PTPRG: variants seen among roughly 807,000 people sequenced by gnomAD.
The protein encoded by PTPRG is protein tyrosine phosphatase receptor type G.
A neutral mutation model predicts 165.3 loss-of-function variants in PTPRG; 102 were observed. The ratio of observed to expected loss-of-function variants is 0.62; its 90% CI spans 0.53 to 0.73. The LOEUF is 0.73. Among genes scored for constraint, PTPRG ranks in the 30% least tolerant of loss-of-function variants. The probability of loss-of-function intolerance (pLI) is 0.00; values close to 1 mark genes in which losing one functional copy is unlikely to be tolerated. For synonymous variants in PTPRG, 675 were observed against 669.5 expected, an observed-to-expected ratio of 1.01 and a Z score of -0.13; for missense variants, 1,866 against 1,861.4, an observed-to-expected ratio of 1.00 and a Z score of -0.05.
intron 1 of PTPRG, among the ~76,000 whole-genome samples, chr3:61,731,025 T>A (rs1198563162): frequency 6.6e-6 from 1 of 152,228 alleles, no homozygotes; most frequent in African/African-American, 2.4e-5. Flanking sequence ...TGTTGAACAC[T>A]GTTCTACTCT....
At chr3:61,687,098 A>G (rs533754972) in intron 1 of PTPRG, among the ~76,000 whole-genome samples, 45 of 152,372 alleles carry the variant, frequency 3.0e-4, no homozygotes, top group African/African-American at 1.1e-3. Context: ...AGAGCTTACC[A>G]GTTAGACAAT....
At chr3:61,628,840 G>A (rs1247573672) in intron 1 of PTPRG, among the ~76,000 whole-genome samples, 1 of 152,172 alleles carries the variant, frequency 6.6e-6, no homozygotes, top group African/African-American at 2.4e-5. Context: ...TATTTTGCAA[G>A]GAAGGAAAGG....
At position 62,203,716 on chromosome 3, in the gene PTPRG, A is replaced by G. The variant is rs1404794997; in HGVS notation, c.1921A>G (p.Ile641Val). 4 of 1,586,764 alleles carry G rather than the reference A, an allele frequency of 2.5e-6. No homozygotes were observed. Among genetic ancestry groups the G allele is most frequent in the Non-Finnish European group, 3.4e-6 (4 of 1,166,000 alleles). The part of the protein sequence containing the change: ...NRTAEGGHQT[I>V]PGHEQDHTAV... Reference sequence around the variant, plus strand: ...GACTGCCGAGGGAGGGCATCAGACTATACCTGGGCATGAGCAGGATCACAC... The same window carrying G: ...GACTGCCGAGGGAGGGCATCAGACTGTACCTGGGCATGAGCAGGATCACAC... The change falls in exon 12 of 30, where the codon ATA becomes GTA. Residue 641 changes from isoleucine (I) to valine (V), a missense_variant. Physicochemically the swap from Ile to Val is conservative, Grantham distance 29. This residue lies in a region of PTPRG where 1,452 missense variants were observed against 1,463.0 expected (regional missense o/e 0.99). Coordinates refer to ENST00000474889, the MANE Select transcript of PTPRG (RefSeq NM_002841.4). The surrounding 1 kb of genome is among the most constrained non-coding windows in gnomAD (Gnocchi z 6.4).
intron 12 of PTPRG, among the ~76,000 whole-genome samples, chr3:62,206,912 C>CAAAAAAAAAAAAAAAAAAAAAAAAAAA (rs556974355): frequency 2.4e-4 from 9 of 37,318 alleles, no homozygotes; most frequent in African/African-American, 5.7e-4. Flanking sequence ...GACTCTGTCT[C>CAAAAAAAAAAAAAAAAAAAAAAAAAAA]AAAAAAAAAA....
At chr3:61,680,120 A>G (rs1186904154) in intron 1 of PTPRG, among the ~76,000 whole-genome samples, 5 of 152,216 alleles carry the variant, frequency 3.3e-5, no homozygotes, top group Non-Finnish European at 4.4e-5. Context: ...TACCTGATGC[A>G]GGGAATTGAA....
chr3:61,773,087 G>T (rs2107034304), intron 2 of PTPRG, among the ~76,000 whole-genome samples: 1 of 152,302 alleles, frequency 6.6e-6, no homozygotes, highest in South Asian at 2.1e-4. Flanking sequence ...AACAAAACAT[G>T]CAGGTGTCTA....
At chr3:62,055,182 C>G (rs992093808) in intron 4 of PTPRG, among the ~76,000 whole-genome samples, 3 of 152,202 alleles carry the variant, frequency 2.0e-5, no homozygotes, top group Admixed American at 2.0e-4. Flanking sequence ...TCCACACTTT[C>G]ATTGCATTGC....
chr3:62,280,767 T>C (rs1166968058), intron 26 of PTPRG, among the ~76,000 whole-genome samples: 3 of 152,062 alleles, frequency 2.0e-5, no homozygotes, highest in Non-Finnish European at 2.9e-5. Context: ...CTCCCGTTCA[T>C]TGCAGCATTA....
At chr3:62,033,719 A>G (rs1377721588) in intron 4 of PTPRG, among the ~76,000 whole-genome samples, 1 of 151,894 alleles carries the variant, frequency 6.6e-6, no homozygotes, top group Non-Finnish European at 1.5e-5. Context: ...GTTTAGTAAC[A>G]ACTACCATGA....
At chr3:61,734,235 A>G (rs2032630833) in intron 1 of PTPRG, among the ~76,000 whole-genome samples, 1 of 152,162 alleles carries the variant, frequency 6.6e-6, no homozygotes, top group South Asian at 2.1e-4. Flanking sequence ...CTCAGATATC[A>G]TGTATGATTT....
intron 2 of PTPRG, among the ~76,000 whole-genome samples, chr3:61,887,153 TATATATATATA>T (rs2038068603): frequency 3.3e-5 from 2 of 59,888 alleles, no homozygotes; most frequent in East Asian, 3.3e-4. Context: ...TATATATATA[TATATATATATA>T]TATATATTTT....
At chr3:62,206,912 CAAAAA>C (rs556974355) in intron 12 of PTPRG, among the ~76,000 whole-genome samples, 32 of 37,338 alleles carry the variant, frequency 8.6e-4, no homozygotes, top group South Asian at 3.6e-3. Context: ...GACTCTGTCT[CAAAAA>C]AAAAAAAAAA....
At chr3:61,865,591 G>A (rs1170459653) in intron 2 of PTPRG, among the ~76,000 whole-genome samples, 1 of 152,150 alleles carries the variant, frequency 6.6e-6, no homozygotes, top group Non-Finnish European at 1.5e-5. Flanking sequence ...CCCGATACCT[G>A]GTCATAATGA....
At chr3:61,635,610 G>A (rs908189369) in intron 1 of PTPRG, among the ~76,000 whole-genome samples, 31 of 151,984 alleles carry the variant, frequency 2.0e-4, no homozygotes, top group African/African-American at 6.0e-4. Flanking sequence ...GCCTCCCAAA[G>A]TGCTGGGATT....
At chr3:62,145,134 G>C (rs1273028238) in intron 6 of PTPRG, among the ~76,000 whole-genome samples, 3 of 152,172 alleles carry the variant, frequency 2.0e-5, no homozygotes, top group African/African-American at 7.2e-5. Flanking sequence ...CGGTATAGGA[G>C]AGACAGACAC....
intron 8 of PTPRG, among the ~76,000 whole-genome samples, chr3:62,171,173 A>G (rs1015096914): frequency 6.6e-6 from 1 of 152,202 alleles, no homozygotes; most frequent in African/African-American, 2.4e-5. Flanking sequence ...TTCAGTATAC[A>G]TGCATATGTA....
intron 2 of PTPRG, among the ~76,000 whole-genome samples, chr3:61,873,489 CTG>C (rs2037640858): frequency 6.6e-6 from 1 of 152,058 alleles, no homozygotes; most frequent in African/African-American, 2.4e-5. Context: ...ATAGTAGTGA[CTG>C]TATGGCTGTT....
At chr3:61,651,310 G>T (rs1468789889) in intron 1 of PTPRG, among the ~76,000 whole-genome samples, 1 of 151,622 alleles carries the variant, frequency 6.6e-6, no homozygotes. Context: ...TATCCCTTTG[G>T]ATCTCTACTT....
At chr3:61,664,676 C>A (rs546330635) in intron 1 of PTPRG, among the ~76,000 whole-genome samples, 3 of 152,140 alleles carry the variant, frequency 2.0e-5, no homozygotes, top group South Asian at 2.1e-4. Context: ...ACAGAAGATA[C>A]AAAAATTAGT....
Sources: allele counts gnomAD v4.1 joint callset (sites outside exome capture counted in the v4.1 genomes callset), GRCh38; gene constraint gnomAD v4.1.1; regional missense constraint gnomAD v4.1.1; non-coding constraint Gnocchi (gnomAD v3.1); transcripts MANE v1.5; gene names NCBI Gene and HGNC (gene_info 2026-07-23, HGNC 2026-07-21).